Variants in ZFP62 observed in about 807,000 individuals in gnomAD.
ZFP62 encodes the protein zinc finger protein 62 homolog.
A neutral mutation model predicts 56.4 loss-of-function variants in ZFP62; 44 were observed. That is an observed-to-expected ratio of 0.78 (90% CI 0.61 to 1.00). The LOEUF is 1.00. Ranked by LOEUF, ZFP62 falls within the 50% of genes least tolerant of loss-of-function variation. ZFP62 has a pLI of 0.00. For missense variants in ZFP62, 1,030 were observed against 1,085.7 expected (o/e 0.95, Z 0.72); for synonymous variants, 421 against 388.9 (o/e 1.08, Z -0.97).
intron 1 of ZFP62, among the ~76,000 whole-genome samples, chr5:180,852,523 C>T (rs1286402528): frequency 1.3e-5 from 2 of 149,100 alleles, no homozygotes; most frequent in Non-Finnish European, 3.0e-5. Context: ...CACTGCACTC[C>T]AGCCTGGTGA....
chr5:180,851,182 T>G lies in ZFP62; in HGVS notation c.313A>C (p.Thr105Pro). The change falls in exon 2 of 2, where the codon ACT becomes CCT. Residue 105 changes from threonine to proline, a missense_variant. Thr to Pro is a conservative substitution (Grantham distance 38). Coordinates refer to ENST00000502412, the MANE Select transcript of ZFP62 (RefSeq NM_001172638.2). ...CTGCCTCTCTGTCCTATAGGCATAGTCTGGTGTGTGATATGCTGTGGGCTC... is the reference window on the plus strand; with the variant it reads ...CTGCCTCTCTGTCCTATAGGCATAGGCTGGTGTGTGATATGCTGTGGGCTC... ...HLSPQHITHQ[T>P]MPIGQRGSEQ... The G allele has an allele frequency of 1.3e-6, 2 of 1,551,714 alleles. No homozygotes were observed. Among genetic ancestry groups the G allele is most frequent in the Non-Finnish European group, 8.7e-7 (1 of 1,146,984 alleles).
At chr5:180,838,287 A>T in the ZFP62 span, among the ~76,000 whole-genome samples, 1 of 152,108 alleles carries the variant, frequency 6.6e-6, no homozygotes, top group Non-Finnish European at 1.5e-5. Context: ...TCAGTGCCCA[A>T]GCAAGGTGAA....
chr5:180,851,200 G>A lies in ZFP62; in HGVS notation c.295C>T (p.Gln99Ter). 4.5e-6 allele frequency: 7 copies of A among 1,551,646 alleles called. No homozygotes were observed. The highest frequency in any genetic ancestry group is 6.1e-6 in the Non-Finnish European group (7 of 1,146,982). The change falls in exon 2 of 2, where the codon CAG becomes TAG. Residue 99 changes from glutamine to a stop codon, truncating the protein, a stop_gained. Transcript: ENST00000502412. LOFTEE classifies it high-confidence loss of function. ...GGCATAGTCTGGTGTGTGATATGCT[G>A]TGGGCTCAGATGCAAGCTCTTCTCA... Reference protein sequence around the residue: ...ASEKSLHLSPQHITHQTMPIG... With the variant: ...ASEKSLHLSP
chr5:180,840,335 A>AAGATGCCCCTCAAAGCCCCACTGGATGG, the ZFP62 span, among the ~76,000 whole-genome samples: 4 of 152,158 alleles, frequency 2.6e-5, no homozygotes, highest in Non-Finnish European at 5.9e-5. Context: ...GAAGGCTTTG[A>AAGATGCCCCTCAAAGCCCCACTGGATGG]AGATGCCCCT....
the ZFP62 span, among the ~76,000 whole-genome samples, chr5:180,828,918 G>A: frequency 6.6e-6 from 1 of 152,218 alleles, no homozygotes; most frequent in Non-Finnish European, 1.5e-5. Flanking sequence ...CTGGGGGTAG[G>A]TCTATAAATG....
chr5:180,846,495 C>T (rs565167153), downstream of ZFP62, among the ~76,000 whole-genome samples: 7 of 152,334 alleles, frequency 4.6e-5, no homozygotes, highest in African/African-American at 1.4e-4. Context: ...CTACGGGGAA[C>T]GAGTACTCCA....
chr5:180,830,560 G>A, the ZFP62 span: 2 of 152,530 alleles, frequency 1.3e-5, no homozygotes, highest in African/African-American at 4.8e-5. Flanking sequence ...GTCTCAGTCA[G>A]TCATCATTCT....
the ZFP62 span, among the ~76,000 whole-genome samples, chr5:180,828,259 A>G: frequency 6.6e-6 from 1 of 152,218 alleles, no homozygotes; most frequent in Non-Finnish European, 1.5e-5. Flanking sequence ...CTCTGGTGGT[A>G]AGGCTTCGAT....
downstream of ZFP62, among the ~76,000 whole-genome samples, chr5:180,843,957 A>G (rs146713380): frequency 6.6e-5 from 10 of 152,368 alleles, no homozygotes; most frequent in East Asian, 1.9e-3. Flanking sequence ...GGAAATTCCC[A>G]TGTTTGGAAG....
intron 1 of ZFP62, among the ~76,000 whole-genome samples, chr5:180,852,849 G>A (rs1227824772): frequency 6.6e-6 from 1 of 152,184 alleles, no homozygotes; most frequent in Non-Finnish European, 1.5e-5. Flanking sequence ...CATTCGACTT[G>A]ATTCATAATG....
chr5:180,839,929 T>G, the ZFP62 span, among the ~76,000 whole-genome samples: 2 of 152,180 alleles, frequency 1.3e-5, no homozygotes, highest in Admixed American at 1.3e-4. Context: ...TCTGGTAAGA[T>G]TTTGAATCCC....
intron 1 of ZFP62, among the ~76,000 whole-genome samples, chr5:180,854,231 G>C (rs575794227): frequency 6.6e-6 from 1 of 152,070 alleles, no homozygotes; most frequent in East Asian, 1.9e-4. Context: ...AGTAAAGAGA[G>C]GCTCAAAAAA....
chr5:180,841,711 A>G, the ZFP62 span, among the ~76,000 whole-genome samples: 1 of 152,224 alleles, frequency 6.6e-6, no homozygotes, highest in Non-Finnish European at 1.5e-5. Context: ...TAAAAATGCT[A>G]CTATGTTCAA....
rs528793042 is a variant in ZFP62 at position 180,852,383 on chromosome 5, G to A, written c.2-890C>T. On this transcript the variant is annotated intron_variant, in intron 1 of 1. Coordinates refer to ENST00000502412, the MANE Select transcript of ZFP62 (RefSeq NM_001172638.2). ...CCATCCTGGCCAACATGGTTAAGCC[G>A]TCTCTAGTAAAAATACAAAAATTAG... Among the ~76,000 whole-genome samples the A allele has an allele frequency of 5.9e-5, 9 of 152,032 alleles. No individual in the cohort carries two copies. In the South Asian group the frequency reaches 8.3e-4, roughly 14 times the overall value.
rs1417537291 is a variant in ZFP62 at position 180,861,243 on chromosome 5, C to T, written c.-24G>A. 5.5e-5 allele frequency: 22 copies of T among 397,720 alleles called. No homozygotes were observed. Among genetic ancestry groups the T allele is most frequent in the South Asian group, 2.5e-4 (2 of 7,858 alleles). 24.6% of individuals were successfully genotyped at this position (397,720 alleles called of 1,614,324 possible). A position where few individuals can be genotyped will look rare whatever the true frequency, so the allele number is the denominator to read the frequency against. ...CTGGCTGTGGCGGCGCCGCGGGAAC[C>T]CGGCCGCCAGCGGGACAAAAGCGCG... On this transcript the variant is annotated 5_prime_UTR_variant, in exon 1 of 2. Transcript: ENST00000502412.
rs529966204 is a variant in ZFP62, at chr5:180,861,240, A to C, written c.-21T>G. ...GTACTGGCTGTGGCGGCGCCGCGGG[A>C]ACCCGGCCGCCAGCGGGACAAAAGC... On this transcript the variant is annotated 5_prime_UTR_variant, in exon 1 of 2. Coordinates refer to ENST00000502412, the MANE Select transcript of ZFP62 (RefSeq NM_001172638.2). The C allele has an allele frequency of 7.1e-3, 2,837 of 397,752 alleles. 19 individuals are homozygous for C. The highest frequency in any genetic ancestry group is 9.2e-3 in the Non-Finnish European group (2,084 of 225,478). The allele number at this position is 397,752 out of a possible 1,614,324, so 24.6% of individuals were successfully genotyped here.
chr5:180,842,725 T>C (rs1773333394), downstream of ZFP62, among the ~76,000 whole-genome samples: 2 of 152,174 alleles, frequency 1.3e-5, no homozygotes, highest in South Asian at 4.1e-4. Context: ...AAATAAAAAA[T>C]TGCAGAGGTG....
chr5:180,836,372 G>A, the ZFP62 span, among the ~76,000 whole-genome samples: 1 of 152,114 alleles, frequency 6.6e-6, no homozygotes, highest in African/African-American at 2.4e-5. Context: ...TTCAGCTTCC[G>A]GTGGCTCCCA....
At position 180,851,217 on chromosome 5, in the gene ZFP62, C is replaced by T; in HGVS notation, c.278G>A (p.Ser93Asn). The T allele has an allele frequency of 6.4e-7, 1 of 1,551,682 alleles. No homozygotes were observed. Among genetic ancestry groups the T allele is most frequent in the Non-Finnish European group, 8.7e-7 (1 of 1,146,992 alleles). Residue 93 changes from serine (S) to asparagine (N), a missense_variant, in exon 2 of 2, where the codon AGC becomes AAC. By Grantham distance (46) the Ser-to-Asn change is conservative (BLOSUM62 1). Transcript: ENST00000502412. ...TEQEGEASEK[S>N]LHLSPQHITH... ...GATATGCTGTGGGCTCAGATGCAAG[C>T]TCTTCTCAGATGCCTCACCTTCCTG...
Sources: gnomAD v4.1 joint callset for allele counts (sites outside exome capture counted in the v4.1 genomes callset) on GRCh38, gnomAD v4.1.1 for gene constraint, MANE v1.5 for transcripts, NCBI Gene and HGNC (gene_info 2026-07-23, HGNC 2026-07-21) for gene names.